PCDHGB6: variants seen among roughly 807,000 people sequenced by gnomAD.
PCDHGB6 encodes protocadherin gamma-B6.
Under a neutral mutation model 59.1 loss-of-function variants are expected in PCDHGB6, and 51 were observed. That is an observed-to-expected ratio of 0.86 (90% CI 0.69 to 1.09). PCDHGB6 has a LOEUF of 1.09. Ranked by LOEUF, PCDHGB6 falls within the 50% of genes least tolerant of loss-of-function variation. The probability of loss-of-function intolerance (pLI) is 0.00; values close to 1 mark genes in which losing one functional copy is unlikely to be tolerated. For missense variants in PCDHGB6, 1,148 were observed against 1,205.1 expected, an observed-to-expected ratio of 0.95 and a Z score of 0.70; for synonymous variants, 466 against 495.1, an observed-to-expected ratio of 0.94 and a Z score of 0.78.
intron 3 of PCDHGB6, 162 bp downstream of exon 3, chr5:141,505,643 T>C: frequency 1.0e-6 from 1 of 967,852 alleles, no homozygotes. Context: ...AAGCCTGGAA[T>C]TGTGGCTAAG....
intron 2 of PCDHGB6, among the ~76,000 whole-genome samples, chr5:141,504,750 A>C (rs921495017): frequency 6.6e-6 from 1 of 151,894 alleles, no homozygotes; most frequent in Admixed American, 6.5e-5. Context: ...ATTGAATTTT[A>C]GAAATTTCTT....
chr5:141,503,773 C>A (rs961986223), intron 2 of PCDHGB6, among the ~76,000 whole-genome samples: 1 of 152,204 alleles, frequency 6.6e-6, no homozygotes. Context: ...TGTGTCTGTT[C>A]TTAGGCTGAG....
At chr5:141,457,108 T>C (rs186630889) in intron 1 of PCDHGB6, among the ~76,000 whole-genome samples, 40 of 152,338 alleles carry the variant, frequency 2.6e-4, no homozygotes, top group African/African-American at 9.1e-4. Flanking sequence ...TTAAGCAAAA[T>C]ACGACAGCAA....
At chr5:141,505,935 C>T (rs2099849264) in intron 3 of PCDHGB6, among the ~76,000 whole-genome samples, 1 of 152,146 alleles carries the variant, frequency 6.6e-6, no homozygotes, top group African/African-American at 2.4e-5. Flanking sequence ...CGCTTGGAAG[C>T]CCTCAAGCAA....
Position 141,432,323 on chromosome 5 carries a change from T to C in PCDHGB6, c.2418+21703T>C, listed in dbSNP as rs1198710959. The C allele has an allele frequency of 3.4e-5, 55 of 1,614,214 alleles. No individual in the cohort carries two copies. Among genetic ancestry groups the C allele is most frequent in the Non-Finnish European group, 4.7e-5 (55 of 1,180,028 alleles). On this transcript the variant is annotated intron_variant, in intron 1 of 3. Transcript: ENST00000520790. This position sits in a 1 kb window ranked among gnomAD's most constrained non-coding sequence, Gnocchi z 6.0. ...ACTGTATGCGCTGAGCTCCTTCGAC[T>C]ACGAGCAGTTCCGAGACTTGCAAGT...
intron 1 of PCDHGB6, among the ~76,000 whole-genome samples, chr5:141,458,921 C>CG (rs2098956905): frequency 6.6e-6 from 1 of 151,960 alleles, no homozygotes; most frequent in African/African-American, 2.4e-5. Flanking sequence ...TTTGTGGAGA[C>CG]GGGGTCTCAC....
rs2099883775 is a variant in PCDHGB6 at position 141,511,415 on chromosome 5, A to G, written c.*242A>G. On this transcript the variant is annotated 3_prime_UTR_variant, in exon 4 of 4. Transcript: ENST00000520790. ...CCCCATCCAATCAACTGCTGTACCC[A>G]TGGGGGTAGTGGGGTTACTGTAGAC... 1.2e-6 allele frequency: 1 copy of G among 868,992 alleles called. No individual in the cohort carries two copies. The highest frequency in any genetic ancestry group is 2.9e-5 in the East Asian group (1 of 34,592). The allele number at this position is 868,992 out of a possible 1,614,324, so 53.8% of individuals were successfully genotyped here.
chr5:141,431,554 C>A lies in PCDHGB6; in HGVS notation c.2418+20934C>A, dbSNP rs766242338. On this transcript the variant is annotated intron_variant, in intron 1 of 3. Coordinates refer to ENST00000520790, the MANE Select transcript of PCDHGB6 (RefSeq NM_018926.3). The surrounding 1 kb of genome is among the most constrained non-coding windows in gnomAD (Gnocchi z 4.8). ...TGGGCACGCAGCTGCTTGTAGTCAA[C>A]GCTACCGACCCTGACGAAGGAGTCA... 1.2e-6 allele frequency: 2 copies of A among 1,614,008 alleles called. No individual in the cohort carries two copies. Among genetic ancestry groups the A allele is most frequent in the African/African-American group, 1.3e-5 (1 of 74,942 alleles).
rs948944459 is a variant in PCDHGB6 at position 141,476,485 on chromosome 5, G to T, written c.2419-18322G>T. 1 of 1,614,076 alleles carries T rather than the reference G, an allele frequency of 6.2e-7. No individual in the cohort carries two copies. The highest frequency in any genetic ancestry group is 8.5e-7 in the Non-Finnish European group (1 of 1,180,016). ...CGCTGGAGCTGTTCAGCGTGGAAGT[G>T]GTGATCCAGGACATCAACGACAACA... is the stretch of plus-strand genomic sequence containing the variant. On this transcript the variant is annotated intron_variant, in intron 1 of 3. Coordinates refer to ENST00000520790, the MANE Select transcript of PCDHGB6 (RefSeq NM_018926.3). The surrounding 1 kb of genome is among the most constrained non-coding windows in gnomAD (Gnocchi z 7.6).
chr5:141,410,712 T>C (rs776042818), intron 1 of PCDHGB6, 92 bp downstream of exon 1: 2 of 1,437,800 alleles, frequency 1.4e-6, no homozygotes, highest in Non-Finnish European at 1.9e-6. Context: ...TCTAGAATCA[T>C]ATGTTTAAAA....
At chr5:141,450,556 G>T (rs534127421) in intron 1 of PCDHGB6, among the ~76,000 whole-genome samples, 1 of 151,940 alleles carries the variant, frequency 6.6e-6, no homozygotes, top group African/African-American at 2.4e-5. Flanking sequence ...GCGCAGTCTC[G>T]GCTCACTGCA....
At chr5:141,466,095 C>T (rs1170423552) in intron 1 of PCDHGB6, among the ~76,000 whole-genome samples, 1 of 152,038 alleles carries the variant, frequency 6.6e-6, no homozygotes, top group African/African-American at 2.4e-5. Flanking sequence ...GCACTCCAGC[C>T]TGGGCAACAG....
chr5:141,465,125 G>A (rs1003967387), intron 1 of PCDHGB6, among the ~76,000 whole-genome samples: 1 of 151,194 alleles, frequency 6.6e-6, no homozygotes, highest in Non-Finnish European at 1.5e-5. Context: ...GCCTAAATTT[G>A]TAAAAAGTTT....
At chr5:141,460,616 T>C (rs905095529) in intron 1 of PCDHGB6, among the ~76,000 whole-genome samples, 8 of 152,114 alleles carry the variant, frequency 5.3e-5, no homozygotes, top group Non-Finnish European at 7.4e-5. Context: ...GATGGATAGA[T>C]AGACAGATAC....
At chr5:141,450,742 C>A (rs2098692216) in intron 1 of PCDHGB6, among the ~76,000 whole-genome samples, 1 of 152,118 alleles carries the variant, frequency 6.6e-6, no homozygotes, top group South Asian at 2.1e-4. Context: ...CCGCCTTGGC[C>A]TCCCAAAGTG....
At position 141,409,014 on chromosome 5, in the gene PCDHGB6, AG is replaced by A; in HGVS notation, c.817del (p.Val273SerfsTer5). The A allele has an allele frequency of 6.2e-7, 1 of 1,614,014 alleles. No homozygotes were observed. The highest frequency in any genetic ancestry group is 8.5e-7 in the Non-Finnish European group (1 of 1,179,884). On this transcript the variant is annotated frameshift_variant, in exon 1 of 4. Transcript: ENST00000520790. LOFTEE classifies it high-confidence loss of function. ...CAAGTGACAGCCACTGACCAGGATG[AG>A]GGGGTCAATGCTGAGATAAACTACT... ...VLQVTATDQD[E>X]GVNAEINYYF... is the part of the protein sequence containing the mutation.
In PCDHGB6 at chr5:141,504,261, A is replaced by AT. The variant is rs144925096; in HGVS notation, c.2478-1125dup. Among the ~76,000 whole-genome samples the AT allele has an allele frequency of 3.8e-3, 573 of 152,258 alleles. 3 individuals are homozygous for AT. The highest frequency in any genetic ancestry group is 0.012 in the African/African-American group (514 of 41,556). ...CAGAGAGTTCTTCTTATGGTTTAGT[A>AT]TTTTTTTAAATTATGAATCATTTCA... On this transcript the variant is annotated intron_variant, in intron 2 of 3. Transcript: ENST00000520790.
intron 1 of PCDHGB6, among the ~76,000 whole-genome samples, chr5:141,445,746 TA>T (rs1486411811): frequency 2.0e-5 from 3 of 152,028 alleles, no homozygotes; most frequent in Non-Finnish European, 4.4e-5. Flanking sequence ...TTTTAAAAAA[TA>T]AAAGGTGTGA....
intron 1 of PCDHGB6, chr5:141,418,920 A>G: frequency 6.2e-7 from 1 of 1,613,992 alleles, no homozygotes; most frequent in Non-Finnish European, 8.5e-7. Flanking sequence ...TCACTCTCTG[A>G]TCAGATTATG....
Sources: allele counts gnomAD v4.1 joint callset (sites outside exome capture counted in the v4.1 genomes callset), GRCh38; gene constraint gnomAD v4.1.1; non-coding constraint Gnocchi (gnomAD v3.1); transcripts MANE v1.5; gene names NCBI Gene and HGNC (gene_info 2026-07-23, HGNC 2026-07-21).